TXNDC16: variants seen among roughly 807,000 people sequenced by gnomAD.
TXNDC16 encodes the protein thioredoxin domain containing 16, also known as thioredoxin domain-containing protein 16.
A neutral mutation model predicts 85.6 loss-of-function variants in TXNDC16; 74 were observed. The observed-to-expected ratio is 0.86, with a 90% CI of 0.72 to 1.05. The LOEUF is 1.05. Ranked by LOEUF, TXNDC16 falls within the 50% of genes least tolerant of loss-of-function variation. The probability of loss-of-function intolerance (pLI) is 0.00; values close to 1 mark genes in which losing one functional copy is unlikely to be tolerated. For missense variants in TXNDC16, 959 were observed against 947.0 expected, an observed-to-expected ratio of 1.01 and a Z score of -0.17; for synonymous variants, 335 against 326.5, an observed-to-expected ratio of 1.03 and a Z score of -0.28.
At chr14:52,488,831 G>GGAAAAAAAAA (rs1336603891) in intron 11 of TXNDC16, among the ~76,000 whole-genome samples, 100 of 89,988 alleles carry the variant, frequency 1.1e-3, no homozygotes, top group Non-Finnish European at 1.3e-3. Context: ...GAGACTCTGG[G>GGAAAAAAAAA]AAAAAAAAAA....
intron 9 of TXNDC16, among the ~76,000 whole-genome samples, chr14:52,502,186 A>T (rs922208706): frequency 6.6e-6 from 1 of 152,168 alleles, no homozygotes; most frequent in East Asian, 1.9e-4. Flanking sequence ...ATTCCTACCT[A>T]TTTCAGTGTC....
In TXNDC16 at chr14:52,534,955, G is replaced by A. The variant is rs564338054; in HGVS notation, c.392+1764C>T. Among the ~76,000 whole-genome samples, 8 of 152,196 alleles carry A rather than the reference G, an allele frequency of 5.3e-5. No individual in the cohort carries two copies. In the South Asian group the frequency reaches 1.0e-3, roughly 20 times the overall value. On this transcript the variant is annotated intron_variant, in intron 6 of 20. Coordinates refer to ENST00000281741, the MANE Select transcript of TXNDC16 (RefSeq NM_020784.3). ...CAGGACTGAATGAGCTGAGCCTCAC[G>A]GAGTAACCAGTTTAGATAACAGGGT...
At chr14:52,529,221 G>A (rs537548667) in intron 6 of TXNDC16, among the ~76,000 whole-genome samples, 233 of 149,060 alleles carry the variant, frequency 1.6e-3, no homozygotes, top group Non-Finnish European at 2.2e-3. Flanking sequence ...GCAAACTATC[G>A]CAAGGACAAA....
chr14:52,486,622 A>G (rs530952167), intron 12 of TXNDC16, among the ~76,000 whole-genome samples: 9 of 152,110 alleles, frequency 5.9e-5, no homozygotes, highest in Non-Finnish European at 1.0e-4. Flanking sequence ...TCAGATGGTA[A>G]TAAATTCTTT....
intron 16 of TXNDC16, among the ~76,000 whole-genome samples, chr14:52,469,193 A>G (rs2035845294): frequency 6.6e-6 from 1 of 151,588 alleles, no homozygotes; most frequent in African/African-American, 2.4e-5. Context: ...CAAAAACACA[A>G]AAAATTAGCT....
At chr14:52,507,280 A>G (rs2036834202) in intron 9 of TXNDC16, among the ~76,000 whole-genome samples, 1 of 152,188 alleles carries the variant, frequency 6.6e-6, no homozygotes, top group Admixed American at 6.5e-5. Context: ...ACAGACAAAC[A>G]GAGAGCCAAA....
intron 14 of TXNDC16, among the ~76,000 whole-genome samples, chr14:52,480,209 T>C (rs1163385293): frequency 6.6e-6 from 1 of 152,070 alleles, no homozygotes; most frequent in African/African-American, 2.4e-5. Flanking sequence ...ATAAAAATTC[T>C]ATAATAAAAA....
chr14:52,433,440 A>G (rs1159527688), intron 20 of TXNDC16, among the ~76,000 whole-genome samples: 2 of 152,206 alleles, frequency 1.3e-5, no homozygotes, highest in African/African-American at 4.8e-5. Flanking sequence ...GTACAAAGTA[A>G]ACCTTTTAAA....
At chr14:52,531,721 A>G (rs2037584943) in intron 6 of TXNDC16, among the ~76,000 whole-genome samples, 1 of 152,154 alleles carries the variant, frequency 6.6e-6, no homozygotes, top group African/African-American at 2.4e-5. Flanking sequence ...TATGACACTA[A>G]TGGTAGAAAT....
intron 6 of TXNDC16, among the ~76,000 whole-genome samples, chr14:52,534,868 T>C (rs1048965429): frequency 6.6e-6 from 1 of 152,216 alleles, no homozygotes; most frequent in African/African-American, 2.4e-5. Context: ...ATAATCTATT[T>C]GTGGAATTCG....
At chr14:52,467,641 T>C (rs2035808566) in intron 16 of TXNDC16, among the ~76,000 whole-genome samples, 1 of 152,174 alleles carries the variant, frequency 6.6e-6, no homozygotes, top group South Asian at 2.1e-4. Flanking sequence ...CCCTGTACAC[T>C]GTTGGTAGGA....
At chr14:52,509,897 C>T (rs781351818) in intron 9 of TXNDC16, among the ~76,000 whole-genome samples, 2 of 151,700 alleles carry the variant, frequency 1.3e-5, no homozygotes, top group African/African-American at 4.8e-5. Flanking sequence ...AGGAGAATGG[C>T]GTGAACCCAG....
intron 6 of TXNDC16, among the ~76,000 whole-genome samples, chr14:52,523,237 C>T (rs1233398868): frequency 6.6e-6 from 1 of 152,158 alleles, no homozygotes; most frequent in East Asian, 1.9e-4. Flanking sequence ...CTAGGTTCTT[C>T]CTGTCCCAGA....
At chr14:52,521,773 CTA>C (rs2037217328) in intron 6 of TXNDC16, among the ~76,000 whole-genome samples, 1 of 152,168 alleles carries the variant, frequency 6.6e-6, no homozygotes, top group Admixed American at 6.5e-5. Context: ...GCAGTATTCA[CTA>C]TGTGCTAGGT....
At chr14:52,474,721 A>G (rs1207045609) in intron 14 of TXNDC16, among the ~76,000 whole-genome samples, 1 of 150,918 alleles carries the variant, frequency 6.6e-6, no homozygotes, top group African/African-American at 2.4e-5. Context: ...CAAGAGTGAA[A>G]CTCCATCTCA....
At chr14:52,455,510 C>G in intron 17 of TXNDC16, 48 bp from the exon 18 acceptor site, 1 of 1,605,406 alleles carries the variant, frequency 6.2e-7, no homozygotes, top group South Asian at 1.1e-5. Context: ...TCTAGCATGT[C>G]AAAAACATGA....
chr14:52,518,942 G>A (rs2037146317), intron 7 of TXNDC16, among the ~76,000 whole-genome samples: 1 of 152,052 alleles, frequency 6.6e-6, no homozygotes. Context: ...TAAGTAACTT[G>A]TCCAAGGGCT....
chr14:52,435,337 G>A (rs1325825141), intron 20 of TXNDC16, among the ~76,000 whole-genome samples: 1 of 150,882 alleles, frequency 6.6e-6, no homozygotes, highest in Non-Finnish European at 1.5e-5. Context: ...ACAGTCCATG[G>A]GAACTCTGTG....
At chr14:52,476,043 T>C (rs571324804) in intron 14 of TXNDC16, among the ~76,000 whole-genome samples, 1 of 152,222 alleles carries the variant, frequency 6.6e-6, no homozygotes. Context: ...TGGAGCCTGG[T>C]AGACTTGCTG....
Sources: gnomAD v4.1 joint callset for allele counts (sites outside exome capture counted in the v4.1 genomes callset) on GRCh38, gnomAD v4.1.1 for gene constraint, MANE v1.5 for transcripts, NCBI Gene and HGNC (gene_info 2026-07-23, HGNC 2026-07-21) for gene names.